HECTD2: variants seen among roughly 807,000 people sequenced by gnomAD.
The protein encoded by HECTD2 is HECT domain E3 ubiquitin protein ligase 2.
A neutral mutation model predicts 103.2 loss-of-function variants in HECTD2; 35 were observed. The observed-to-expected ratio is 0.34, with a 90% CI of 0.26 to 0.45. The LOEUF is 0.45. HECTD2 is among the 20% of genes least tolerant of loss of function. The pLI is 1.00. For synonymous variants in HECTD2, 281 were observed against 329.9 expected, an observed-to-expected ratio of 0.85 and a Z score of 1.61; for missense variants, 596 against 937.4, an observed-to-expected ratio of 0.64 and a Z score of 4.76.
chr10:91,423,408 C>T (rs1843431014), intron 1 of HECTD2, among the ~76,000 whole-genome samples: 1 of 152,038 alleles, frequency 6.6e-6, no homozygotes, highest in African/African-American at 2.4e-5. Flanking sequence ...GACTTGTTTC[C>T]TAACACAGAA....
intron 1 of HECTD2, among the ~76,000 whole-genome samples, chr10:91,412,708 GA>G (rs1209244292): frequency 2.0e-5 from 3 of 147,392 alleles, no homozygotes; most frequent in Non-Finnish European, 3.0e-5. Flanking sequence ...TTGTCAAAGA[GA>G]GACTTCAAAG....
intron 5 of HECTD2, among the ~76,000 whole-genome samples, chr10:91,472,858 ATAGAT>A (rs1354281493): frequency 1.3e-5 from 2 of 152,336 alleles, no homozygotes; most frequent in African/African-American, 2.4e-5. Context: ...AGAGAAATTA[ATAGAT>A]TAAACAGCAG....
intron 2 of HECTD2, among the ~76,000 whole-genome samples, chr10:91,426,105 G>C (rs987954482): frequency 6.6e-6 from 1 of 151,996 alleles, no homozygotes; most frequent in African/African-American, 2.4e-5. Flanking sequence ...GGTAGAATAT[G>C]AATCCAACGT....
At chr10:91,490,553 C>T (rs1453874429) in intron 11 of HECTD2, among the ~76,000 whole-genome samples, 1 of 152,014 alleles carries the variant, frequency 6.6e-6, no homozygotes, top group African/African-American at 2.4e-5. Flanking sequence ...TTGAATGTTC[C>T]CATTTTATAT....
intron 5 of HECTD2, among the ~76,000 whole-genome samples, chr10:91,477,141 A>G (rs894588405): frequency 1.6e-4 from 23 of 146,248 alleles, no homozygotes; most frequent in African/African-American, 5.4e-4. Flanking sequence ...AGATTGCGCC[A>G]CTGCAGTACG....
At chr10:91,488,787 T>C (rs1846358778) in intron 11 of HECTD2, 1 of 152,170 alleles carries the variant, frequency 6.6e-6, no homozygotes, top group Admixed American at 6.6e-5. Context: ...CATCTTATAC[T>C]GAATATGGGA....
In HECTD2 at chr10:91,462,093, A is replaced by C; in HGVS notation, c.511-2A>C. Reference sequence around the variant, plus strand: ...TACTTAATTCTTAAATTGAATTTGCAGAAAGATGCCACTGCCTCATTTAAC... The same window carrying C: ...TACTTAATTCTTAAATTGAATTTGCCGAAAGATGCCACTGCCTCATTTAAC... On this transcript the variant is annotated splice_acceptor_variant, in intron 4 of 20. Coordinates refer to ENST00000298068, the MANE Select transcript of HECTD2 (RefSeq NM_182765.6). LOFTEE classifies it high-confidence loss of function. 1 of 1,581,468 alleles carries C rather than the reference A, an allele frequency of 6.3e-7. No homozygotes were observed. Among genetic ancestry groups the C allele is most frequent in the Non-Finnish European group, 8.7e-7 (1 of 1,155,748 alleles).
chr10:91,465,590 A>G (rs1845503506), intron 5 of HECTD2, among the ~76,000 whole-genome samples: 1 of 151,930 alleles, frequency 6.6e-6, no homozygotes, highest in African/African-American at 2.4e-5. Flanking sequence ...TTCTTCATCA[A>G]GTTGAGGAAG....
At chr10:91,504,073 G>T (rs964832352) in intron 20 of HECTD2, among the ~76,000 whole-genome samples, 1 of 152,116 alleles carries the variant, frequency 6.6e-6, no homozygotes, top group African/African-American at 2.4e-5. Flanking sequence ...GGTCCTGTCT[G>T]TTAGAAGGAA....
At chr10:91,425,196 C>T (rs901534141) in intron 1 of HECTD2, 85 bp from the exon 2 acceptor site, 4 of 1,105,786 alleles carry the variant, frequency 3.6e-6, no homozygotes, top group Non-Finnish European at 4.8e-6. Context: ...AAATTAAAAT[C>T]TCTTATAAAT....
At chr10:91,427,870 CTTTAG>C (rs1375766351) in intron 2 of HECTD2, among the ~76,000 whole-genome samples, 2 of 151,818 alleles carry the variant, frequency 1.3e-5, no homozygotes, top group Non-Finnish European at 2.9e-5. Context: ...TGCAGAAGCT[CTTTAG>C]TTTAATTAGA....
intron 20 of HECTD2, among the ~76,000 whole-genome samples, chr10:91,503,706 G>A (rs1370147984): frequency 2.0e-5 from 3 of 152,182 alleles, no homozygotes; most frequent in Non-Finnish European, 2.9e-5. Context: ...GGGGAGGGGC[G>A]CCCACCATTG....
chr10:91,462,495 T>A, intron 5 of HECTD2: 1 of 1,146,006 alleles, frequency 8.7e-7, no homozygotes, highest in Non-Finnish European at 1.1e-6. Flanking sequence ...TGTAGATCAG[T>A]GGTTCTTAAA....
chr10:91,508,944 A>T (rs1847308850), intron 20 of HECTD2, among the ~76,000 whole-genome samples: 1 of 152,038 alleles, frequency 6.6e-6, no homozygotes. Context: ...CTATGCAGCC[A>T]TAAAAAATGA....
intron 20 of HECTD2, among the ~76,000 whole-genome samples, chr10:91,503,462 C>G (rs911820172): frequency 2.0e-5 from 3 of 152,156 alleles, no homozygotes; most frequent in Non-Finnish European, 4.4e-5. Flanking sequence ...TTGCCTCACT[C>G]GGGAAGCGCA....
intron 5 of HECTD2, among the ~76,000 whole-genome samples, chr10:91,467,353 C>T (rs1413577368): frequency 6.6e-6 from 1 of 152,164 alleles, no homozygotes; most frequent in Non-Finnish European, 1.5e-5. Context: ...CAGGGTTGCC[C>T]ATCCCTCAAG....
chr10:91,428,219 C>T (rs1414812679), intron 2 of HECTD2, among the ~76,000 whole-genome samples: 2 of 151,840 alleles, frequency 1.3e-5, no homozygotes, highest in Non-Finnish European at 2.9e-5. Flanking sequence ...GGGCTCTGTT[C>T]CGTTCCATTG....
intron 2 of HECTD2, among the ~76,000 whole-genome samples, chr10:91,429,814 C>A (rs1050834252): frequency 6.6e-6 from 1 of 151,960 alleles, no homozygotes; most frequent in Non-Finnish European, 1.5e-5. Context: ...TTTTGTTGAT[C>A]CTTTCAAAAA....
chr10:91,416,250 T>C (rs1251505664), intron 1 of HECTD2, among the ~76,000 whole-genome samples: 2 of 152,148 alleles, frequency 1.3e-5, no homozygotes, highest in Non-Finnish European at 2.9e-5. Flanking sequence ...AAAATAATAA[T>C]TGAACCTACT....
Sources: allele counts gnomAD v4.1 joint callset (sites outside exome capture counted in the v4.1 genomes callset), GRCh38; gene constraint gnomAD v4.1.1; transcripts MANE v1.5; gene names NCBI Gene and HGNC (gene_info 2026-07-23, HGNC 2026-07-21).